Variants in LRRC49 observed in about 807,000 individuals in gnomAD.
LRRC49 encodes the protein leucine rich repeat containing 49, also known as leucine-rich repeat-containing protein 49.
Under a neutral mutation model 83.3 loss-of-function variants are expected in LRRC49, and 50 were observed. The ratio of observed to expected loss-of-function variants is 0.60; its 90% CI spans 0.48 to 0.76. LRRC49 has a LOEUF of 0.76. Ranked by LOEUF, LRRC49 falls within the 30% of genes least tolerant of loss-of-function variation. The pLI, the probability that LRRC49 is intolerant of heterozygous loss-of-function variation, is 0.00. For synonymous variants in LRRC49, 286 were observed against 283.3 expected (o/e 1.01, Z -0.10); for missense variants, 704 against 809.1 (o/e 0.87, Z 1.58).
At chr15:70,858,399 C>T (rs1404090697) in intron 1 of LRRC49, among the ~76,000 whole-genome samples, 7 of 152,122 alleles carry the variant, frequency 4.6e-5, no homozygotes, top group African/African-American at 1.4e-4. Context: ...GTCAGGAGTT[C>T]GAGACCAGCC....
intron 11 of LRRC49, among the ~76,000 whole-genome samples, chr15:71,002,243 T>C (rs572373126): frequency 6.6e-6 from 1 of 152,310 alleles, no homozygotes; most frequent in Admixed American, 6.5e-5. Context: ...ATATTTATAG[T>C]CTTTAGTATT....
At chr15:71,017,004 C>G (rs2038848933) in intron 14 of LRRC49, among the ~76,000 whole-genome samples, 1 of 151,754 alleles carries the variant, frequency 6.6e-6, no homozygotes, top group African/African-American at 2.4e-5. Context: ...ACTTGTTGGG[C>G]TTGAGGCAGG....
chr15:70,999,232 T>G (rs1440243502), intron 11 of LRRC49, among the ~76,000 whole-genome samples: 1 of 152,216 alleles, frequency 6.6e-6, no homozygotes, highest in Non-Finnish European at 1.5e-5. Context: ...TGTTTCTTTG[T>G]ATGCATCATA....
chr15:70,978,261 G>A (rs2037278059), intron 9 of LRRC49, among the ~76,000 whole-genome samples: 1 of 152,186 alleles, frequency 6.6e-6, no homozygotes, highest in Non-Finnish European at 1.5e-5. Context: ...TGCCTATGAT[G>A]TGTGATTTGG....
At chr15:70,922,216 T>C (rs2035032887) in intron 7 of LRRC49, among the ~76,000 whole-genome samples, 1 of 152,196 alleles carries the variant, frequency 6.6e-6, no homozygotes, top group South Asian at 2.1e-4. Flanking sequence ...ATGGAAGAGA[T>C]ATCTGCATCC....
chr15:70,856,849 T>A (rs62019070), intron 1 of LRRC49, among the ~76,000 whole-genome samples: 2 of 152,156 alleles, frequency 1.3e-5, no homozygotes, highest in South Asian at 4.1e-4. Context: ...CCTACCCACA[T>A]ACCCATCATT....
chr15:71,005,857 A>G (rs2038439456), intron 11 of LRRC49, among the ~76,000 whole-genome samples: 1 of 152,214 alleles, frequency 6.6e-6, no homozygotes, highest in African/African-American at 2.4e-5. Flanking sequence ...ATACAAGGAA[A>G]ACTAGAAGAA....
intron 13 of LRRC49, among the ~76,000 whole-genome samples, chr15:71,010,443 A>C (rs891955238): frequency 2.6e-5 from 4 of 151,970 alleles, no homozygotes; most frequent in African/African-American, 9.7e-5. Context: ...TGGAAAAAAA[A>C]GGGGAGGAAG....
At chr15:70,949,938 C>T (rs112165367) in intron 8 of LRRC49, among the ~76,000 whole-genome samples, 2 of 152,140 alleles carry the variant, frequency 1.3e-5, no homozygotes, top group Non-Finnish European at 1.5e-5. Context: ...ACCAGATAGG[C>T]GGACTTCCAA....
chr15:71,041,115 G>A (rs778233759), intron 15 of LRRC49, among the ~76,000 whole-genome samples: 1 of 152,148 alleles, frequency 6.6e-6, no homozygotes, highest in Non-Finnish European at 1.5e-5. Context: ...GTCCTGAGCA[G>A]AACACCCAGC....
intron 14 of LRRC49, among the ~76,000 whole-genome samples, chr15:71,023,348 C>T (rs1477040468): frequency 6.6e-6 from 1 of 152,098 alleles, no homozygotes; most frequent in East Asian, 1.9e-4. Flanking sequence ...AAAGTGATAA[C>T]AAATGTGTAC....
intron 8 of LRRC49, among the ~76,000 whole-genome samples, chr15:70,937,662 G>T (rs1192435358): frequency 6.6e-6 from 1 of 152,116 alleles, no homozygotes; most frequent in Non-Finnish European, 1.5e-5. Context: ...TGTGTTGTCT[G>T]TTGGCATGTT....
rs754742115 is a variant in LRRC49, at chr15:70,892,931, G to C, written c.37G>C (p.Ala13Pro). Residue 13 changes from alanine to proline, a missense_variant, in exon 1 of 16, where the codon GCT becomes CCT. Around this residue, in one of 3 missense-constraint regions of LRRC49, gnomAD observed 261 missense variants for 330.5 expected, o/e 0.79. Coordinates refer to ENST00000260382, the MANE Select transcript of LRRC49 (RefSeq NM_017691.5). ...PGKYRSVSGR[A>P]ANNVNCGLHL... Reference sequence around the variant, plus strand: ...GAAATATCGCTCTGTTTCTGGCCGGGCTGCGAACAACGTAAGTTGGGCCTT... The same window carrying C: ...GAAATATCGCTCTGTTTCTGGCCGGCCTGCGAACAACGTAAGTTGGGCCTT... 6.2e-7 allele frequency: 1 copy of C among 1,614,096 alleles called. No individual in the cohort carries two copies. The highest frequency in any genetic ancestry group is 1.3e-5 in the African/African-American group (1 of 74,938).
At chr15:70,972,263 G>A (rs1216603994) in intron 9 of LRRC49, among the ~76,000 whole-genome samples, 2 of 152,160 alleles carry the variant, frequency 1.3e-5, no homozygotes, top group Non-Finnish European at 2.9e-5. Context: ...GGCTGGATAT[G>A]AAATTCTGGG....
chr15:70,865,795 A>G (rs2032896903), intron 1 of LRRC49, among the ~76,000 whole-genome samples: 1 of 152,224 alleles, frequency 6.6e-6, no homozygotes, highest in South Asian at 2.1e-4. Flanking sequence ...TGTCAAAACC[A>G]AGAAAATCCT....
intron 9 of LRRC49, among the ~76,000 whole-genome samples, chr15:70,976,736 A>G (rs1044245818): frequency 1.3e-5 from 2 of 152,102 alleles, no homozygotes; most frequent in African/African-American, 2.4e-5. Flanking sequence ...TTTGCTATGT[A>G]AAGGATATGG....
intron 8 of LRRC49, among the ~76,000 whole-genome samples, chr15:70,946,549 A>G (rs972392217): frequency 6.6e-6 from 1 of 152,194 alleles, no homozygotes; most frequent in Admixed American, 6.5e-5. Flanking sequence ...GCTGCAATGA[A>G]CATGGGAGTA....
chr15:71,016,849 T>C (rs1223966244), intron 14 of LRRC49, among the ~76,000 whole-genome samples: 2 of 152,176 alleles, frequency 1.3e-5, no homozygotes, highest in South Asian at 2.1e-4. Flanking sequence ...CTCACGCCTG[T>C]AGTCCCAGCA....
chr15:70,919,292 G>A (rs1287299529), intron 7 of LRRC49, 99 bp downstream of exon 7: 1 of 1,061,076 alleles, frequency 9.4e-7, no homozygotes, highest in African/African-American at 1.6e-5. Context: ...AGAATCTACG[G>A]TTATTTAGGT....
Sources: gnomAD v4.1 joint callset for allele counts (sites outside exome capture counted in the v4.1 genomes callset) on GRCh38, gnomAD v4.1.1 for gene constraint, gnomAD v4.1.1 regional missense constraint, MANE v1.5 for transcripts, NCBI Gene and HGNC (gene_info 2026-07-23, HGNC 2026-07-21) for gene names.